SYAP1: variants seen among roughly 807,000 people sequenced by gnomAD.
The protein encoded by SYAP1 is synapse associated protein 1.
In SYAP1, 3 loss-of-function variants were observed where a neutral mutation model predicts 29.6. The ratio of observed to expected loss-of-function variants is 0.10; its 90% CI spans 0.05 to 0.26. SYAP1 has a LOEUF of 0.26. Ranked by LOEUF, SYAP1 falls within the 10% of genes least tolerant of loss-of-function variation. The pLI, the probability that SYAP1 is intolerant of heterozygous loss-of-function variation, is 1.00. For synonymous variants in SYAP1, 102 were observed against 102.7 expected, an observed-to-expected ratio of 0.99 and a Z score of 0.04; for missense variants, 217 against 264.1, an observed-to-expected ratio of 0.82 and a Z score of 1.24.
At chrX:16,731,535 T>G (rs1292835277) in intron 1 of SYAP1, among the ~76,000 whole-genome samples, 2 of 112,293 alleles carry the variant, frequency 1.8e-5, no homozygotes, top group Admixed American at 1.9e-4. Flanking sequence ...TTCCTTTATG[T>G]CTGTGGACTA....
intron 1 of SYAP1, among the ~76,000 whole-genome samples, chrX:16,733,474 C>T (rs992579574): frequency 1.8e-5 from 2 of 110,920 alleles, no homozygotes; most frequent in African/African-American, 6.6e-5. Flanking sequence ...CTCCACCTGC[C>T]TGCCCCTTCA....
intron 1 of SYAP1, among the ~76,000 whole-genome samples, chrX:16,731,492 C>T (rs750521156): frequency 8.0e-5 from 9 of 112,066 alleles, no homozygotes; most frequent in African/African-American, 2.9e-4. Context: ...AGCTTTGAAA[C>T]AAAGATGATA....
At chrX:16,738,282 G>A (rs1926372103) in intron 3 of SYAP1, among the ~76,000 whole-genome samples, 2 of 111,375 alleles carry the variant, frequency 1.8e-5, no homozygotes, top group Admixed American at 1.9e-4. Flanking sequence ...AGGCTTGGTG[G>A]CACACACCTG....
At chrX:16,738,721 T>C (rs1028438254) in intron 3 of SYAP1, among the ~76,000 whole-genome samples, 3 of 111,060 alleles carry the variant, frequency 2.7e-5, no homozygotes, top group Non-Finnish European at 3.8e-5. Context: ...AGTGGACAAC[T>C]AGGAGAGAGA....
chrX:16,742,885 T>TTA (rs1447121046), intron 4 of SYAP1, among the ~76,000 whole-genome samples: 1 of 109,170 alleles, frequency 9.2e-6, no homozygotes, highest in Non-Finnish European at 1.9e-5. Context: ...AAGTGCTGGA[T>TTA]TATAGCCATG....
intron 1 of SYAP1, among the ~76,000 whole-genome samples, chrX:16,730,548 G>T (rs1276162735): frequency 8.9e-6 from 1 of 112,250 alleles, no homozygotes; most frequent in African/African-American, 3.2e-5. Context: ...CTAACTCCAT[G>T]TGTCCCAGGC....
At chrX:16,720,656 A>G (rs1394252322) in intron 1 of SYAP1, among the ~76,000 whole-genome samples, 1 of 112,124 alleles carries the variant, frequency 8.9e-6, no homozygotes, top group African/African-American at 3.2e-5. Context: ...ATAGACGTGG[A>G]GTAAACACAT....
chrX:16,729,052 GA>G (rs140902155), intron 1 of SYAP1, among the ~76,000 whole-genome samples: 35,667 of 95,505 alleles, frequency 0.37, 4,881 homozygotes, highest in East Asian at 0.6. Context: ...AAAAAAAAAA[GA>G]AAAAAAAAAA....
chrX:16,719,929 AG>A lies in SYAP1; in HGVS notation c.175+38del, dbSNP rs374264655. ...GTCTACCCTGGCTCTGGGACCGGGA[AG>A]GGGGGGGCGCATTCCTCCTCTGGGA... On this transcript the variant is annotated intron_variant, in intron 1 of 8. Coordinates refer to ENST00000380155, the MANE Select transcript of SYAP1 (RefSeq NM_032796.4). 32 of 1,120,286 alleles carry A rather than the reference AG, an allele frequency of 2.9e-5. 1 individual carries two copies. The highest frequency in any genetic ancestry group is 1.8e-4 in the East Asian group (5 of 28,370). 92.3% of individuals were successfully genotyped at this position (1,120,286 alleles called of 1,213,427 possible). A position where few individuals can be genotyped will look rare whatever the true frequency, so the allele number is the denominator to read the frequency against.
At chrX:16,759,090 G>T (rs58343160) in intron 8 of SYAP1, among the ~76,000 whole-genome samples, 33,201 of 105,659 alleles carry the variant, frequency 0.31, 4,210 homozygotes, top group East Asian at 0.52. Flanking sequence ...TACTTGGGAG[G>T]CTGAGGCAGC....
chrX:16,743,673 C>T, intron 4 of SYAP1, 28 bp from the exon 5 acceptor site: 2 of 1,201,328 alleles, frequency 1.7e-6, no homozygotes, highest in Middle Eastern at 2.3e-4. Context: ...TGTGGAATAC[C>T]CTGTGTTTTT....
At position 16,719,619 on chromosome X, in the gene SYAP1, C is replaced by G; in HGVS notation, c.-106C>G. On this transcript the variant is annotated 5_prime_UTR_variant, in exon 1 of 9. Coordinates refer to ENST00000380155, the MANE Select transcript of SYAP1 (RefSeq NM_032796.4). Reference sequence around the variant, plus strand: ...GGCTGCGGCGGCTGCGGTGTTCCTCCGACTTCCGGACATCTCCCTGGGAGT... The same window carrying G: ...GGCTGCGGCGGCTGCGGTGTTCCTCGGACTTCCGGACATCTCCCTGGGAGT... 1 of 982,253 alleles carries G rather than the reference C, an allele frequency of 1.0e-6. No homozygotes were observed. Among genetic ancestry groups the G allele is most frequent in the South Asian group, 2.4e-5 (1 of 41,067 alleles). 80.9% of individuals were successfully genotyped at this position (982,253 alleles called of 1,213,427 possible).
intron 3 of SYAP1, 48 bp from the exon 4 acceptor site, chrX:16,741,668 A>G: frequency 1.0e-6 from 1 of 1,000,456 alleles, no homozygotes; most frequent in Non-Finnish European, 1.4e-6. Flanking sequence ...TGTAACCATC[A>G]TGACCTATTT....
At chrX:16,725,843 A>G (rs1427306338) in intron 1 of SYAP1, among the ~76,000 whole-genome samples, 1 of 112,512 alleles carries the variant, frequency 8.9e-6, no homozygotes, top group African/African-American at 3.2e-5. Flanking sequence ...TGATTATGCT[A>G]AAATACCAGT....
chrX:16,741,925 A>T, intron 4 of SYAP1, 136 bp downstream of exon 4: 1 of 442,652 alleles, frequency 2.3e-6, no homozygotes, highest in Non-Finnish European at 3.9e-6. Context: ...GTACACATTA[A>T]CACATGATGT....
At chrX:16,730,751 C>G (rs1792477651) in intron 1 of SYAP1, among the ~76,000 whole-genome samples, 1 of 112,526 alleles carries the variant, frequency 8.9e-6, no homozygotes, top group South Asian at 3.6e-4. Flanking sequence ...AAGCATCCCT[C>G]TTTTTAAACA....
At chrX:16,745,716 G>A (rs1187247588) in intron 5 of SYAP1, among the ~76,000 whole-genome samples, 6 of 103,119 alleles carry the variant, frequency 5.8e-5, no homozygotes, top group Non-Finnish European at 1.2e-4. Context: ...CAACCTGGGC[G>A]ACAGAGTGAG....
In SYAP1 at chrX:16,719,656, G is replaced by C; in HGVS notation, c.-69G>C. Reference sequence around the variant, plus strand: ...ATCTCCCTGGGAGTCGCGCAGAGTGGAGTCAAAGGCAACCAGTGCTCGCTG... The same window carrying C: ...ATCTCCCTGGGAGTCGCGCAGAGTGCAGTCAAAGGCAACCAGTGCTCGCTG... On this transcript the variant is annotated 5_prime_UTR_variant, in exon 1 of 9. Transcript: ENST00000380155. The C allele has an allele frequency of 1.8e-6, 2 of 1,123,302 alleles. No homozygotes were observed. The highest frequency in any genetic ancestry group is 2.4e-6 in the Non-Finnish European group (2 of 843,536). The allele number at this position is 1,123,302 out of a possible 1,213,427, so 92.6% of individuals were successfully genotyped here.
At chrX:16,757,045 G>T (rs979997086) in intron 7 of SYAP1, 117 bp from the exon 8 acceptor site, 1 of 946,381 alleles carries the variant, frequency 1.1e-6, no homozygotes, top group Admixed American at 2.7e-5. Context: ...TTGTCTTACA[G>T]CTCGCAGAGA....
Sources: allele counts gnomAD v4.1 joint callset (sites outside exome capture counted in the v4.1 genomes callset), GRCh38; gene constraint gnomAD v4.1.1; transcripts MANE v1.5; gene names NCBI Gene and HGNC (gene_info 2026-07-23, HGNC 2026-07-21).